The following CFAP54 variants were observed in gnomAD, a reference collection of about 807,000 sequenced individuals.
CFAP54 encodes cilia and flagella associated protein 54, also known as cilia- and flagella-associated protein 54.
A neutral mutation model predicts 370.4 loss-of-function variants in CFAP54; 290 were observed. That is an observed-to-expected ratio of 0.78 (90% CI 0.71 to 0.86). The LOEUF (loss-of-function observed/expected upper bound fraction) is 0.86, where lower values mean the gene tolerates loss of function less well. Ranked by LOEUF, CFAP54 falls within the 40% of genes least tolerant of loss-of-function variation. The probability of loss-of-function intolerance (pLI) is 0.00; values close to 1 mark genes in which losing one functional copy is unlikely to be tolerated. For synonymous variants in CFAP54, 1,206 were observed against 1,236.5 expected, an observed-to-expected ratio of 0.98 and a Z score of 0.52; for missense variants, 3,399 against 3,528.7, an observed-to-expected ratio of 0.96 and a Z score of 0.93.
chr12:96,568,903 T>C (rs1955886744), intron 19 of CFAP54, among the ~76,000 whole-genome samples: 1 of 149,740 alleles, frequency 6.7e-6, no homozygotes, highest in South Asian at 2.1e-4. Context: ...GTGAGATGAC[T>C]GGCTTTTTTT....
chr12:96,824,561 T>G (rs1267613703), intron 65 of CFAP54, among the ~76,000 whole-genome samples: 2 of 152,140 alleles, frequency 1.3e-5, no homozygotes, highest in African/African-American at 4.8e-5. Context: ...AAGGGGTATA[T>G]AGGAGTGGAT....
intron 24 of CFAP54, 60 bp from the exon 25 acceptor site, chr12:96,594,231 A>C: frequency 1.7e-6 from 2 of 1,197,222 alleles, no homozygotes; most frequent in African/African-American, 1.5e-5. Context: ...CATTCTCCGT[A>C]GAGACACATA....
chr12:96,540,853 G>T lies in CFAP54; in HGVS notation c.1943G>T (p.Trp648Leu). 1 of 1,452,460 alleles carries T rather than the reference G, an allele frequency of 6.9e-7. No homozygotes were observed. 90.0% of individuals were successfully genotyped at this position (1,452,460 alleles called of 1,614,324 possible). A position where few individuals can be genotyped will look rare whatever the true frequency, so the allele number is the denominator to read the frequency against. ...TCTTTTTAGTGGATTTATCTTCTGT[G>T]GCAGATAAATGAAGTAATTCACTGC... ...ISTNKWIYLL[W>L]QINEVIHCYK... The change falls in exon 14 of 68, where the codon TGG (tryptophan) becomes TTG (leucine). Residue 648 changes from tryptophan (W) to leucine (L), a missense_variant. Trp to Leu is a moderately conservative substitution (Grantham distance 61). Transcript: ENST00000524981.
At chr12:96,595,099 A>G (rs1179606851) in intron 25 of CFAP54, among the ~76,000 whole-genome samples, 10 of 152,084 alleles carry the variant, frequency 6.6e-5, no homozygotes, top group Admixed American at 5.9e-4. Context: ...TTCTGAGTTC[A>G]CTGTTATTGA....
chr12:96,500,216 T>C (rs1395990187), intron 1 of CFAP54, among the ~76,000 whole-genome samples: 1 of 152,202 alleles, frequency 6.6e-6, no homozygotes, highest in Non-Finnish European at 1.5e-5. Flanking sequence ...GGCTTCCTAC[T>C]ATATGATTCC....
intron 66 of CFAP54, among the ~76,000 whole-genome samples, chr12:96,835,655 A>G (rs1223620431): frequency 6.6e-6 from 1 of 152,168 alleles, no homozygotes; most frequent in African/African-American, 2.4e-5. Context: ...CGGGCCCCCA[A>G]GAATGTAGGG....
intron 66 of CFAP54, among the ~76,000 whole-genome samples, chr12:96,841,804 T>C (rs1959219938): frequency 6.6e-6 from 1 of 152,252 alleles, no homozygotes; most frequent in African/African-American, 2.4e-5. Context: ...TGTATCTTGG[T>C]TGACAAAAAC....
intron 67 of CFAP54, among the ~76,000 whole-genome samples, chr12:96,867,069 T>A (rs1259649816): frequency 6.6e-6 from 1 of 152,148 alleles, no homozygotes; most frequent in Non-Finnish European, 1.5e-5. Context: ...TTTGTTTTCC[T>A]AGTAATAAAG....
chr12:96,677,341 C>A lies in CFAP54; in HGVS notation c.5564-2259C>A, dbSNP rs142302446. Among the ~76,000 whole-genome samples, 746 of 152,230 alleles carry A rather than the reference C, an allele frequency of 4.9e-3. 7 individuals are homozygous for A. Among genetic ancestry groups the A allele is most frequent in the African/African-American group, 0.017 (701 of 41,534 alleles). On this transcript the variant is annotated intron_variant, in intron 39 of 67. Transcript: ENST00000524981. ...ATAAATTTCTGTTGTTTATAATCCA[C>A]CCAGTCTATGGTAATTTCTCATAGC...
At chr12:96,772,676 A>G (rs563121085) in intron 60 of CFAP54, among the ~76,000 whole-genome samples, 1 of 149,440 alleles carries the variant, frequency 6.7e-6, no homozygotes, top group Non-Finnish European at 1.5e-5. Context: ...CTGGAGTGCA[A>G]TGGAATAATC....
At chr12:96,769,606 AT>A (rs1958437376) in intron 60 of CFAP54, among the ~76,000 whole-genome samples, 1 of 129,584 alleles carries the variant, frequency 7.7e-6, no homozygotes, top group African/African-American at 3.2e-5. Flanking sequence ...GGGTGAGCAG[AT>A]TAACTCTTTC....
intron 26 of CFAP54, among the ~76,000 whole-genome samples, chr12:96,609,801 C>T (rs578197297): frequency 8.5e-4 from 130 of 152,096 alleles, no homozygotes; most frequent in Non-Finnish European, 1.3e-3. Flanking sequence ...ATATACCACT[C>T]ATAATACACA....
At chr12:96,623,637 T>C (rs1956523663) in intron 27 of CFAP54, 130 bp from the exon 28 acceptor site, 1 of 589,728 alleles carries the variant, frequency 1.7e-6, no homozygotes, top group African/African-American at 1.9e-5. Context: ...TTAATTAATA[T>C]TGTTATGTAG....
Position 96,630,157 on chromosome 12 carries a change from G to A in CFAP54, c.4168G>A (p.Ala1390Thr). ...KYKDSALNKKANKSLKFKAAV... is the reference protein window; with the variant it reads ...KYKDSALNKKTNKSLKFKAAV... ...TAAGGATAGTGCTTTGAATAAAAAA[G>A]CAAACAAATCTTTAAAGTTCAAAGC... The change falls in exon 31 of 68, where the codon GCA becomes ACA. Residue 1390 changes from alanine (A) to threonine (T), a missense_variant. By Grantham distance (58) the Ala-to-Thr change is moderately conservative. Around this residue, in one of 3 missense-constraint regions of CFAP54, gnomAD observed 2,796 missense variants for 2,869.7 expected, o/e 0.97. Transcript: ENST00000524981. 6.6e-6 allele frequency: 10 copies of A among 1,506,204 alleles called. No individual in the cohort carries two copies. Among genetic ancestry groups the A allele is most frequent in the South Asian group, 1.2e-5 (1 of 82,864 alleles). The allele number at this position is 1,506,204 out of a possible 1,614,324, so 93.3% of individuals were successfully genotyped here. A position where few individuals can be genotyped will look rare whatever the true frequency, so the allele number is the denominator to read the frequency against.
intron 45 of CFAP54, among the ~76,000 whole-genome samples, chr12:96,694,118 C>A (rs1422654333): frequency 2.0e-5 from 3 of 152,200 alleles, no homozygotes; most frequent in Admixed American, 2.0e-4. Context: ...CCAACTGAAC[C>A]AGATTTCTGA....
At chr12:96,861,043 G>T in intron 67 of CFAP54, 91 bp downstream of exon 67, 8 of 962,466 alleles carry the variant, frequency 8.3e-6, no homozygotes, top group Admixed American at 7.7e-5. Flanking sequence ...ACATAAAATT[G>T]TTTTTTTACA....
intron 63 of CFAP54, among the ~76,000 whole-genome samples, chr12:96,804,819 A>G (rs988011950): frequency 1.3e-5 from 2 of 152,210 alleles, no homozygotes; most frequent in Admixed American, 6.6e-5. Flanking sequence ...ACCTGGAGGC[A>G]TCACATTACC....
chr12:96,762,368 A>T (rs1157486373), intron 58 of CFAP54, among the ~76,000 whole-genome samples: 2 of 152,210 alleles, frequency 1.3e-5, no homozygotes, highest in Admixed American at 1.3e-4. Flanking sequence ...GCAAAGAAAG[A>T]CACTTTACTT....
chr12:96,795,091 C>T lies in CFAP54; in HGVS notation c.8850+2592C>T, dbSNP rs185359700. On this transcript the variant is annotated intron_variant, in intron 63 of 67. Coordinates refer to ENST00000524981, the MANE Select transcript of CFAP54 (RefSeq NM_001306084.2). Reference sequence around the variant, plus strand: ...TCTGCAAAAAATCCTGTAATATGATCCACCTTCAGGTCTCTCAGCCATGGA... The same window carrying T: ...TCTGCAAAAAATCCTGTAATATGATTCACCTTCAGGTCTCTCAGCCATGGA... 2.4e-3 allele frequency among the ~76,000 whole-genome samples: 363 copies of T among 152,302 alleles called. 1 individual carries two copies. Among genetic ancestry groups the T allele is most frequent in the Non-Finnish European group, 4.1e-3 (278 of 68,012 alleles).
Sources: gnomAD v4.1 joint callset for allele counts (sites outside exome capture counted in the v4.1 genomes callset) on GRCh38, gnomAD v4.1.1 for gene constraint, gnomAD v4.1.1 regional missense constraint, MANE v1.5 for transcripts, NCBI Gene and HGNC (gene_info 2026-07-23, HGNC 2026-07-21) for gene names.